Variants in LRP1B observed in about 807,000 individuals in gnomAD.
LRP1B encodes low-density lipoprotein receptor-related protein 1B.
Under a neutral mutation model 556.6 loss-of-function variants are expected in LRP1B, and 217 were observed. That is an observed-to-expected ratio of 0.39 (90% CI 0.35 to 0.44). The LOEUF (loss-of-function observed/expected upper bound fraction) is 0.44. LRP1B is among the 20% of genes least tolerant of loss of function. The pLI is 1.00. For synonymous variants in LRP1B, 2,047 were observed against 1,865.8 expected (o/e 1.10, Z -2.50); for missense variants, 5,053 against 5,620.8 (o/e 0.90, Z 3.23).
chr2:140,875,580 A>T (rs1693280074), intron 25 of LRP1B, among the ~76,000 whole-genome samples: 1 of 152,186 alleles, frequency 6.6e-6, no homozygotes, highest in African/African-American at 2.4e-5. Context: ...ATTTTCAAAG[A>T]CCTGCAATTA....
intron 66 of LRP1B, among the ~76,000 whole-genome samples, chr2:140,433,294 C>T (rs539327601): frequency 2.7e-4 from 41 of 152,204 alleles, no homozygotes; most frequent in African/African-American, 7.9e-4. Context: ...GACTGGGTTT[C>T]GCCATGTTGA....
At chr2:140,790,395 T>C (rs764969441) in intron 32 of LRP1B, among the ~76,000 whole-genome samples, 11 of 152,180 alleles carry the variant, frequency 7.2e-5, no homozygotes, top group Non-Finnish European at 1.6e-4. Context: ...CCACTTAGAA[T>C]TATTATCCGC....
At chr2:140,892,550 G>A (rs1253936394) in intron 23 of LRP1B, among the ~76,000 whole-genome samples, 3 of 152,128 alleles carry the variant, frequency 2.0e-5, no homozygotes, top group African/African-American at 4.8e-5. Context: ...TGAGAGCTGC[G>A]AAGGATGCGG....
chr2:141,551,974 T>G (rs1489061026), intron 2 of LRP1B, among the ~76,000 whole-genome samples: 2 of 152,080 alleles, frequency 1.3e-5, no homozygotes, highest in African/African-American at 2.4e-5. Flanking sequence ...ATTATTTGAC[T>G]GTTAGCACCA....
chr2:141,698,005 G>C (rs1290386165), intron 2 of LRP1B, among the ~76,000 whole-genome samples: 1 of 151,956 alleles, frequency 6.6e-6, no homozygotes, highest in African/African-American at 2.4e-5. Context: ...AATACGGTGA[G>C]GAGGTAGCAG....
At chr2:141,679,987 T>C (rs1387738006) in intron 2 of LRP1B, among the ~76,000 whole-genome samples, 2 of 151,864 alleles carry the variant, frequency 1.3e-5, no homozygotes, top group Admixed American at 1.3e-4. Flanking sequence ...AATGAAAGAA[T>C]GAAATTAAAT....
At chr2:140,992,898 T>C (rs552503644) in intron 16 of LRP1B, among the ~76,000 whole-genome samples, 2 of 152,136 alleles carry the variant, frequency 1.3e-5, no homozygotes, top group Non-Finnish European at 2.9e-5. Flanking sequence ...AATGTTGAAG[T>C]CAGGGCCTGA....
At chr2:140,787,770 T>A (rs551914726) in intron 32 of LRP1B, among the ~76,000 whole-genome samples, 1 of 151,958 alleles carries the variant, frequency 6.6e-6, no homozygotes. Flanking sequence ...GGTCAGGGTC[T>A]CATTATATTG....
chr2:141,134,037 T>A (rs1701428660), intron 7 of LRP1B, among the ~76,000 whole-genome samples: 1 of 151,892 alleles, frequency 6.6e-6, no homozygotes. Context: ...TTTTATTTCC[T>A]TTCTCAGTGA....
chr2:140,490,962 A>G (rs2105371228), intron 57 of LRP1B, among the ~76,000 whole-genome samples: 1 of 152,302 alleles, frequency 6.6e-6, no homozygotes, highest in South Asian at 2.1e-4. Context: ...GACTGGCAAC[A>G]GTCTAAAATG....
chr2:141,592,977 G>T (rs1281539453), intron 2 of LRP1B, among the ~76,000 whole-genome samples: 1 of 152,156 alleles, frequency 6.6e-6, no homozygotes. Flanking sequence ...CAAATGGAAA[G>T]TTGGTAGTAT....
In LRP1B at chr2:141,480,415, G is replaced by C. The variant is rs766907792; in HGVS notation, c.324C>G (p.Asp108Glu). The C allele has an allele frequency of 1.9e-6, 3 of 1,613,760 alleles. No homozygotes were observed. The highest frequency in any genetic ancestry group is 1.7e-5 in the Admixed American group (1 of 59,964). The change falls in exon 3 of 91, where the codon GAC (aspartate) becomes GAG (glutamate). Residue 108 changes from aspartate to glutamate, a missense_variant. This residue lies in a region of LRP1B where 3,619 missense variants were observed against 3,931.9 expected (regional missense o/e 0.92). Coordinates refer to ENST00000389484, the MANE Select transcript of LRP1B (RefSeq NM_018557.3). ...NGVLDCPDGYDEGVHCQELLS... is the reference protein window; with the variant it reads ...NGVLDCPDGYEEGVHCQELLS... ...ACTCACCCTGACAATGTACTCCTTC[G>C]TCATACCCATCTGGGCAGTCCAAGA...
intron 1 of LRP1B, among the ~76,000 whole-genome samples, chr2:142,120,115 T>TTTG (rs1707406445): frequency 1.3e-5 from 2 of 151,918 alleles, no homozygotes; most frequent in African/African-American, 2.4e-5. Flanking sequence ...CTACAGGTTT[T>TTTG]TTTGTTTGTT....
At chr2:140,898,875 G>C (rs958333863) in intron 23 of LRP1B, 2 of 413,636 alleles carry the variant, frequency 4.8e-6, no homozygotes. Context: ...TAGTAGGAGA[G>C]CTGCAGGTCA....
chr2:141,465,541 G>T (rs1309387630), intron 3 of LRP1B, among the ~76,000 whole-genome samples: 2 of 56,452 alleles, frequency 3.5e-5, no homozygotes, highest in African/African-American at 8.5e-5. Context: ...AGCACAGCAT[G>T]ACTTTTTTTT....
chr2:140,522,343 A>C (rs1428471322), intron 49 of LRP1B, among the ~76,000 whole-genome samples: 2 of 152,038 alleles, frequency 1.3e-5, no homozygotes, highest in Non-Finnish European at 2.9e-5. Flanking sequence ...AAACAATGAA[A>C]TTAAAGCAGA....
intron 17 of LRP1B, among the ~76,000 whole-genome samples, chr2:140,984,215 T>C (rs1696853895): frequency 6.6e-6 from 1 of 151,948 alleles, no homozygotes; most frequent in Admixed American, 6.6e-5. Context: ...AAATACCTTT[T>C]TATCTTTTAA....
chr2:141,485,330 A>G (rs1683084026), intron 2 of LRP1B, among the ~76,000 whole-genome samples: 1 of 152,184 alleles, frequency 6.6e-6, no homozygotes, highest in South Asian at 2.1e-4. Context: ...CATTAAGACA[A>G]TTATAATATT....
chr2:140,323,713 A>C (rs542345986), intron 81 of LRP1B, among the ~76,000 whole-genome samples, 180 bp downstream of exon 81: 1 of 152,026 alleles, frequency 6.6e-6, no homozygotes, highest in Non-Finnish European at 1.5e-5. Flanking sequence ...CAATTACAGC[A>C]GAAATAGAAT....
Sources: allele counts gnomAD v4.1 joint callset (sites outside exome capture counted in the v4.1 genomes callset), GRCh38; gene constraint gnomAD v4.1.1; regional missense constraint gnomAD v4.1.1; transcripts MANE v1.5; gene names NCBI Gene and HGNC (gene_info 2026-07-23, HGNC 2026-07-21).